Variants in ATXN8OS observed in about 807,000 individuals in gnomAD.
The protein encoded by ATXN8OS is ATXN8 opposite strand lncRNA.
At chr13:70,167,723 CTTTTTTTTT>C (rs4053603) in intron 4 of ATXN8OS, among the ~76,000 whole-genome samples, 2 of 61,882 alleles carry the variant, frequency 3.2e-5, no homozygotes, top group East Asian at 5.5e-4. Flanking sequence ...TATGTAACTT[CTTTTTTTTT>C]TTTTTTTTTT....
chr13:70,120,806 C>A lies in ATXN8OS; in HGVS notation n.398+5508C>A, dbSNP rs1423579968. ...TGAAGCTGGAAACCATCATTCTCAG[C>A]AAACTATCACAAGGACAAAAAACCA... On this transcript the variant is annotated intron_variant and non_coding_transcript_variant, in intron 2 of 4. Transcript: ENST00000678624. Among the ~76,000 whole-genome samples the A allele has an allele frequency of 2.0e-5, 3 of 151,718 alleles. No individual in the cohort carries two copies. In the East Asian group the frequency reaches 5.8e-4, roughly 30 times the overall value.
chr13:70,165,797 T>A (rs935716744), intron 4 of ATXN8OS, among the ~76,000 whole-genome samples: 1 of 152,032 alleles, frequency 6.6e-6, no homozygotes, highest in Non-Finnish European at 1.5e-5. Context: ...TATGTGGAAA[T>A]ATTTAAATAT....
chr13:70,110,915 T>C (rs1362702291), intron 1 of ATXN8OS, among the ~76,000 whole-genome samples: 2 of 152,138 alleles, frequency 1.3e-5, no homozygotes, highest in African/African-American at 4.8e-5. Context: ...CAAGAAGACA[T>C]TGACATAATA....
intron 4 of ATXN8OS, among the ~76,000 whole-genome samples, chr13:70,152,382 C>CAT (rs756076816): frequency 1.3e-5 from 2 of 151,448 alleles, no homozygotes; most frequent in Non-Finnish European, 2.9e-5. Context: ...TATATGTATA[C>CAT]ATATATATAC....
intron 3 of ATXN8OS, among the ~76,000 whole-genome samples, chr13:70,144,214 G>T (rs1475517373): frequency 1.3e-5 from 2 of 151,978 alleles, no homozygotes; most frequent in African/African-American, 4.8e-5. Context: ...TATCACATAT[G>T]CACTGTCTCT....
chr13:70,111,361 A>C (rs1888196599), intron 1 of ATXN8OS, among the ~76,000 whole-genome samples: 1 of 152,164 alleles, frequency 6.6e-6, no homozygotes, highest in South Asian at 2.1e-4. Context: ...TGAGAAGTCT[A>C]AGTTCTAGAG....
Position 70,139,383 on chromosome 13 carries a change from A to ACTACTACTACTGCTGCTG in ATXN8OS, n.500-7970_500-7969insACTACTACTGCTGCTGCT. On this transcript the variant is annotated intron_variant and non_coding_transcript_variant, in intron 3 of 4. Transcript: ENST00000678624. ...TACTACTACTACTACTACTACTACT[A>ACTACTACTACTGCTGCTG]CTGCTGCTGCTGCTGCTGCTGCTGC... 1.9e-4 allele frequency: 86 copies of ACTACTACTACTGCTGCTG among 458,338 alleles called. 2 individuals are homozygous for ACTACTACTACTGCTGCTG. Among genetic ancestry groups the ACTACTACTACTGCTGCTG allele is most frequent in the South Asian group, 1.7e-3 (52 of 30,576 alleles). The allele number at this position is 458,338 out of a possible 1,614,324, so 28.4% of individuals were successfully genotyped here.
chr13:70,122,594 A>C (rs1004515590), intron 2 of ATXN8OS, among the ~76,000 whole-genome samples: 1 of 152,074 alleles, frequency 6.6e-6, no homozygotes, highest in East Asian at 1.9e-4. Flanking sequence ...CCATGAGTCA[A>C]AATGACATTT....
At chr13:70,139,377 A>ACTACTACTACTGCTG in intron 3 of ATXN8OS, 2 of 645,386 alleles carry the variant, frequency 3.1e-6, no homozygotes, top group East Asian at 3.1e-5. Flanking sequence ...TACTACTACT[A>ACTACTACTACTGCTG]CTACTACTGC....
At chr13:70,146,857 A>G (rs1161533482) in intron 3 of ATXN8OS, among the ~76,000 whole-genome samples, 3 of 152,182 alleles carry the variant, frequency 2.0e-5, no homozygotes, top group Admixed American at 1.3e-4. Context: ...TGGCACATGT[A>G]TACATATGTA....
chr13:70,127,215 T>A (rs939320026), intron 2 of ATXN8OS, among the ~76,000 whole-genome samples: 4 of 152,012 alleles, frequency 2.6e-5, no homozygotes, highest in African/African-American at 9.6e-5. Context: ...TATGCATCAA[T>A]CCTTAAAATA....
chr13:70,136,532 C>T (rs918732125), intron 3 of ATXN8OS, among the ~76,000 whole-genome samples: 1 of 151,872 alleles, frequency 6.6e-6, no homozygotes, highest in African/African-American at 2.4e-5. Context: ...CACTCATTTG[C>T]CCAAGCTAAA....
chr13:70,170,755 G>A (rs555061566), exon 5 of ATXN8OS, among the ~76,000 whole-genome samples: 2 of 152,042 alleles, frequency 1.3e-5, no homozygotes, highest in Non-Finnish European at 2.9e-5. Flanking sequence ...ACAACGATAT[G>A]TTCTGAGAAA....
At chr13:70,131,312 T>C (rs1469467917) in intron 3 of ATXN8OS, 2 of 398,356 alleles carry the variant, frequency 5.0e-6, no homozygotes, top group South Asian at 2.5e-4. Flanking sequence ...ATGCTACAGA[T>C]GTCCCCTAAA....
At chr13:70,135,127 TC>T (rs1888594444) in intron 3 of ATXN8OS, among the ~76,000 whole-genome samples, 1 of 152,152 alleles carries the variant, frequency 6.6e-6, no homozygotes, top group African/African-American at 2.4e-5. Flanking sequence ...TTCCTCAATT[TC>T]CTTTTCTTTG....
intron 2 of ATXN8OS, among the ~76,000 whole-genome samples, chr13:70,127,403 G>T (rs1038946403): frequency 6.6e-6 from 1 of 151,870 alleles, no homozygotes; most frequent in African/African-American, 2.4e-5. Flanking sequence ...AGATATCATC[G>T]AAAGAATATT....
intron 3 of ATXN8OS, among the ~76,000 whole-genome samples, chr13:70,137,103 T>G (rs1322238909): frequency 6.6e-6 from 1 of 152,202 alleles, no homozygotes; most frequent in African/African-American, 2.4e-5. Flanking sequence ...TCTTTGAAAT[T>G]TAGAATATCC....
chr13:70,111,065 A>G (rs1232914607), intron 1 of ATXN8OS, among the ~76,000 whole-genome samples: 1 of 152,214 alleles, frequency 6.6e-6, no homozygotes, highest in East Asian at 1.9e-4. Context: ...TATGGTTGCC[A>G]TAGTTTCCTG....
At chr13:70,131,536 T>C in intron 3 of ATXN8OS, 1 of 398,442 alleles carries the variant, frequency 2.5e-6, no homozygotes, top group Non-Finnish European at 4.4e-6. Flanking sequence ...TAAATATTAC[T>C]TTCCCCTCAA....
Sources: gnomAD v4.1 joint callset for allele counts (sites outside exome capture counted in the v4.1 genomes callset) on GRCh38, gnomAD v4.1.1 for gene constraint, MANE v1.5 for transcripts, NCBI Gene and HGNC (gene_info 2026-07-23, HGNC 2026-07-21) for gene names.